DSCAML1: variants seen among roughly 807,000 people sequenced by gnomAD.
The protein encoded by DSCAML1 is cell adhesion molecule DSCAML1.
In DSCAML1, 38 loss-of-function variants were observed where a neutral mutation model predicts 200.5. The ratio of observed to expected loss-of-function variants is 0.19; its 90% CI spans 0.15 to 0.25. The LOEUF is 0.25. Among genes scored for constraint, DSCAML1 ranks in the 10% least tolerant of loss-of-function variants. The probability of loss-of-function intolerance (pLI) is 1.00; values close to 1 mark genes in which losing one functional copy is unlikely to be tolerated. For missense variants in DSCAML1, 2,223 were observed against 2,858.8 expected (o/e 0.78, Z 5.07); for synonymous variants, 1,215 against 1,165.0 (o/e 1.04, Z -0.87).
chr11:117,742,231 A>G (rs935729369), intron 3 of DSCAML1, among the ~76,000 whole-genome samples: 1 of 152,198 alleles, frequency 6.6e-6, no homozygotes, highest in African/African-American at 2.4e-5. Context: ...GAGGAGGCCC[A>G]TAGTGGTGAA....
chr11:117,579,577 G>C (rs1418537746), intron 3 of DSCAML1, among the ~76,000 whole-genome samples: 2 of 152,194 alleles, frequency 1.3e-5, no homozygotes, highest in Non-Finnish European at 2.9e-5. Flanking sequence ...AGTAGATATT[G>C]AGCACTCTCT....
At chr11:117,713,628 CT>C (rs1399571396) in intron 3 of DSCAML1, among the ~76,000 whole-genome samples, 1 of 152,210 alleles carries the variant, frequency 6.6e-6, no homozygotes, top group Non-Finnish European at 1.5e-5. Flanking sequence ...CAGAGCTTGA[CT>C]GAGCTTAATA....
At chr11:117,454,688 A>G (rs1592602745) in intron 19 of DSCAML1, among the ~76,000 whole-genome samples, 1 of 152,330 alleles carries the variant, frequency 6.6e-6, no homozygotes, top group African/African-American at 2.4e-5. Context: ...GCATTTGCAA[A>G]ATAGTTTGTA....
chr11:117,482,241 C>A, intron 11 of DSCAML1, 79 bp from the exon 12 acceptor site: 2 of 1,511,868 alleles, frequency 1.3e-6, no homozygotes, highest in Non-Finnish European at 1.8e-6. Flanking sequence ...TGCGCAGAAG[C>A]CCCCGCCCCA....
intron 1 of DSCAML1, among the ~76,000 whole-genome samples, chr11:117,806,260 G>A (rs969750056): frequency 3.9e-5 from 6 of 152,230 alleles, no homozygotes; most frequent in Non-Finnish European, 7.3e-5. Flanking sequence ...GGTAGGATGT[G>A]AGTTGGGCTT....
chr11:117,763,977 C>A (rs984278535), intron 3 of DSCAML1, among the ~76,000 whole-genome samples: 5 of 152,160 alleles, frequency 3.3e-5, no homozygotes, highest in Non-Finnish European at 7.3e-5. Context: ...CCTCTCAGTC[C>A]CCCAAGAACT....
intron 18 of DSCAML1, 32 bp from the exon 19 acceptor site, chr11:117,458,941 G>T (rs763374039): frequency 1.6e-5 from 26 of 1,602,264 alleles, no homozygotes; most frequent in Non-Finnish European, 2.1e-5. Context: ...TGAGGACCCA[G>T]CTCCATCGGG....
intron 29 of DSCAML1, 82 bp downstream of exon 29, chr11:117,433,055 AG>A: frequency 2.5e-6 from 3 of 1,210,510 alleles, no homozygotes; most frequent in Non-Finnish European, 3.6e-6. Flanking sequence ...CACTGCCATG[AG>A]GGTTGGTGTT....
At chr11:117,475,238 G>A (rs1592635601) in intron 14 of DSCAML1, among the ~76,000 whole-genome samples, 1 of 152,024 alleles carries the variant, frequency 6.6e-6, no homozygotes, top group African/African-American at 2.4e-5. Context: ...AAATACAATC[G>A]AGCTCCTCTT....
At chr11:117,814,899 G>A (rs2055791337) in intron 1 of DSCAML1, among the ~76,000 whole-genome samples, 1 of 152,248 alleles carries the variant, frequency 6.6e-6, no homozygotes, top group Non-Finnish European at 1.5e-5. Flanking sequence ...CCTCGGACAT[G>A]AGACCTGAAG....
intron 3 of DSCAML1, among the ~76,000 whole-genome samples, chr11:117,545,234 A>AACACAC (rs758060622): frequency 5.6e-5 from 8 of 143,404 alleles, no homozygotes; most frequent in Non-Finnish European, 1.2e-4. Flanking sequence ...CGTAAAAAAA[A>AACACAC]ACACACACAC....
At chr11:117,439,046 T>C in intron 23 of DSCAML1, 63 bp from the exon 24 acceptor site, 1 of 1,477,264 alleles carries the variant, frequency 6.8e-7, no homozygotes, top group South Asian at 1.3e-5. Flanking sequence ...GTGTGGGGAG[T>C]CCCCCCGTGA....
At chr11:117,807,227 G>C (rs1392824147) in intron 1 of DSCAML1, among the ~76,000 whole-genome samples, 5 of 152,194 alleles carry the variant, frequency 3.3e-5, no homozygotes, top group Admixed American at 3.3e-4. Context: ...AATTTTTATC[G>C]CTGAAGCCCC....
At chr11:117,538,205 A>G (rs2050202645) in intron 3 of DSCAML1, among the ~76,000 whole-genome samples, 3 of 152,316 alleles carry the variant, frequency 2.0e-5, no homozygotes, top group Middle Eastern at 6.8e-3. Flanking sequence ...GATGAGATCA[A>G]TTTGCAAAGA....
intron 3 of DSCAML1, among the ~76,000 whole-genome samples, chr11:117,578,129 G>A (rs1188620096): frequency 2.0e-5 from 3 of 151,222 alleles, no homozygotes; most frequent in African/African-American, 7.3e-5. Flanking sequence ...CAGCTACTCG[G>A]GAGGCTGAGG....
chr11:117,606,847 T>G (rs955567429), intron 3 of DSCAML1, among the ~76,000 whole-genome samples: 6 of 152,242 alleles, frequency 3.9e-5, no homozygotes, highest in Non-Finnish European at 7.3e-5. Context: ...TTCCTTGGCT[T>G]TCTGTGGATG....
At chr11:117,555,919 G>A (rs1176514982) in intron 3 of DSCAML1, among the ~76,000 whole-genome samples, 3 of 151,686 alleles carry the variant, frequency 2.0e-5, no homozygotes, top group African/African-American at 4.8e-5. Context: ...GAAGCCAGGG[G>A]GGAGCTTATT....
At chr11:117,803,968 A>G (rs2055685482) in intron 1 of DSCAML1, among the ~76,000 whole-genome samples, 1 of 152,176 alleles carries the variant, frequency 6.6e-6, no homozygotes, top group African/African-American at 2.4e-5. Flanking sequence ...AACGCCTTCC[A>G]CGGTCTCTCT....
intron 3 of DSCAML1, among the ~76,000 whole-genome samples, chr11:117,775,796 C>A (rs1001142602): frequency 6.6e-6 from 1 of 152,070 alleles, no homozygotes; most frequent in Non-Finnish European, 1.5e-5. Flanking sequence ...GGGTAGCAGG[C>A]TTAAGAACCC....
Sources: allele counts gnomAD v4.1 joint callset (sites outside exome capture counted in the v4.1 genomes callset), GRCh38; gene constraint gnomAD v4.1.1; transcripts MANE v1.5; gene names NCBI Gene and HGNC (gene_info 2026-07-23, HGNC 2026-07-21).